The following RBFOX1 variants were observed in gnomAD, a reference collection of about 807,000 sequenced individuals.
The protein encoded by RBFOX1 is RNA binding fox-1 homolog 1, also known as RNA binding protein fox-1 homolog 1.
In RBFOX1, 8 loss-of-function variants were observed where a neutral mutation model predicts 57.7. That is an observed-to-expected ratio of 0.14 (90% confidence interval 0.08 to 0.25). The LOEUF is 0.25. RBFOX1 is among the 10% of genes least tolerant of loss of function. RBFOX1 has a pLI of 1.00. For missense variants in RBFOX1, 611 were observed against 548.5 expected, an observed-to-expected ratio of 1.11 and a Z score of -1.14; for synonymous variants, 326 against 222.4, an observed-to-expected ratio of 1.47 and a Z score of -4.15.
chr16:5,619,645 G>T (rs893904249), intron 3 of RBFOX1, among the ~76,000 whole-genome samples: 1 of 152,174 alleles, frequency 6.6e-6, no homozygotes, highest in Admixed American at 6.5e-5. Context: ...CCATTAGCAG[G>T]TGGCAAAGAG....
chr16:6,727,066 G>GACACAC (rs1568370880), intron 3 of RBFOX1, among the ~76,000 whole-genome samples: 24 of 148,246 alleles, frequency 1.6e-4, no homozygotes, highest in Admixed American at 8.7e-4. Context: ...CACACACACA[G>GACACAC]ACACAGAGAG....
At chr16:6,611,115 A>T (rs1373493276) in intron 2 of RBFOX1, among the ~76,000 whole-genome samples, 7 of 152,182 alleles carry the variant, frequency 4.6e-5, no homozygotes, top group Non-Finnish European at 8.8e-5. Context: ...ATGGTTGGAG[A>T]TGACAAAGTG....
At chr16:7,614,341 C>G (rs150743097) in intron 10 of RBFOX1, 1 of 152,128 alleles carries the variant, frequency 6.6e-6, no homozygotes, top group African/African-American at 2.4e-5. Context: ...CACTTCGCTT[C>G]TCTCCTCTCC....
chr16:7,462,406 A>G (rs930981424), intron 4 of RBFOX1, among the ~76,000 whole-genome samples: 5 of 152,188 alleles, frequency 3.3e-5, no homozygotes, highest in African/African-American at 1.2e-4. Context: ...GAGGAGAATC[A>G]CTTAAACCCA....
At chr16:6,892,296 G>A (rs367801693) in intron 3 of RBFOX1, among the ~76,000 whole-genome samples, 37 of 152,248 alleles carry the variant, frequency 2.4e-4, no homozygotes, top group African/African-American at 6.0e-4. Context: ...CTCTTCGACC[G>A]TAAAGTACTG....
chr16:5,338,564 C>A (rs763689110), intron 1 of RBFOX1, among the ~76,000 whole-genome samples: 19 of 152,276 alleles, frequency 1.2e-4, no homozygotes, highest in Non-Finnish European at 2.6e-4. Flanking sequence ...TTTTTTATGA[C>A]TGAACAATAT....
chr16:6,876,293 G>A (rs138251562), intron 3 of RBFOX1, among the ~76,000 whole-genome samples: 3 of 152,218 alleles, frequency 2.0e-5, no homozygotes, highest in Non-Finnish European at 4.4e-5. Flanking sequence ...TCACCCAGTT[G>A]CTTCCTGGTC....
At chr16:5,466,795 A>G (rs2068967151) in intron 1 of RBFOX1, among the ~76,000 whole-genome samples, 1 of 152,108 alleles carries the variant, frequency 6.6e-6, no homozygotes. Context: ...GTGACCTGCC[A>G]TCCCTCCATA....
intron 4 of RBFOX1, among the ~76,000 whole-genome samples, chr16:7,426,544 G>A (rs1416913882): frequency 6.6e-6 from 1 of 152,194 alleles, no homozygotes; most frequent in Non-Finnish European, 1.5e-5. Flanking sequence ...AGGAAGGAGA[G>A]GGAGAAAGCA....
chr16:6,869,151 C>G (rs2060441671), intron 3 of RBFOX1, among the ~76,000 whole-genome samples: 1 of 152,194 alleles, frequency 6.6e-6, no homozygotes, highest in South Asian at 2.1e-4. Context: ...TTGCCTCTTG[C>G]TTACCTGTCA....
chr16:6,672,245 A>G (rs1422810582), intron 3 of RBFOX1, among the ~76,000 whole-genome samples: 2 of 152,164 alleles, frequency 1.3e-5, no homozygotes, highest in Non-Finnish European at 2.9e-5. Context: ...ATCCACCACC[A>G]TAACGCTTAG....
chr16:6,341,494 C>G (rs201332864), intron 2 of RBFOX1, among the ~76,000 whole-genome samples: 1 of 152,028 alleles, frequency 6.6e-6, no homozygotes, highest in Non-Finnish European at 1.5e-5. Context: ...CTAAACAGAC[C>G]CAGGCTCAGA....
chr16:7,652,970 A>T (rs1597357839), intron 11 of RBFOX1, among the ~76,000 whole-genome samples: 1 of 152,150 alleles, frequency 6.6e-6, no homozygotes, highest in Non-Finnish European at 1.5e-5. Context: ...ATGAATAAAA[A>T]CCACTCATGC....
At chr16:5,393,932 T>G (rs1420006585) in intron 1 of RBFOX1, among the ~76,000 whole-genome samples, 2 of 152,264 alleles carry the variant, frequency 1.3e-5, no homozygotes, top group Non-Finnish European at 2.9e-5. Context: ...TCTGTAAACT[T>G]GACTCTTCTC....
At chr16:6,120,339 T>G (rs1156939875) in intron 1 of RBFOX1, among the ~76,000 whole-genome samples, 5 of 152,230 alleles carry the variant, frequency 3.3e-5, no homozygotes, top group Admixed American at 3.3e-4. Context: ...TTCAACTTAC[T>G]GAGGCATCAG....
chr16:7,203,332 A>G (rs1042710198), intron 4 of RBFOX1, among the ~76,000 whole-genome samples: 2 of 152,232 alleles, frequency 1.3e-5, no homozygotes, highest in African/African-American at 4.8e-5. Flanking sequence ...TGAAGTTTGT[A>G]GTGAAAAGCA....
chr16:7,151,302 A>T (rs2076064268), intron 4 of RBFOX1, among the ~76,000 whole-genome samples: 1 of 152,196 alleles, frequency 6.6e-6, no homozygotes, highest in Admixed American at 6.5e-5. Flanking sequence ...AGTCAACAGA[A>T]ACCAAATTCC....
At chr16:6,381,012 A>G (rs1053163407) in intron 2 of RBFOX1, among the ~76,000 whole-genome samples, 5 of 152,176 alleles carry the variant, frequency 3.3e-5, no homozygotes, top group South Asian at 2.1e-4. Context: ...GTGGTATGCA[A>G]TGATGACTGT....
chr16:6,004,371 G>T (rs1359572550), intron 4 of RBFOX1, among the ~76,000 whole-genome samples: 1 of 152,074 alleles, frequency 6.6e-6, no homozygotes, highest in Non-Finnish European at 1.5e-5. Context: ...CCATTGCATA[G>T]AGTCATAATG....
Sources: allele counts gnomAD v4.1 joint callset (sites outside exome capture counted in the v4.1 genomes callset), GRCh38; gene constraint gnomAD v4.1.1; transcripts MANE v1.5; gene names NCBI Gene and HGNC (gene_info 2026-07-23, HGNC 2026-07-21).